The following ABHD10 variants were observed in gnomAD, a reference collection of about 807,000 sequenced individuals.
ABHD10 encodes the protein palmitoyl-protein thioesterase ABHD10, mitochondrial.
Under a neutral mutation model 33.1 loss-of-function variants are expected in ABHD10, and 22 were observed. The ratio of observed to expected loss-of-function variants is 0.66; its 90% CI spans 0.47 to 0.95. The LOEUF is 0.95. Among genes scored for constraint, ABHD10 ranks in the 40% least tolerant of loss-of-function variants. ABHD10 has a pLI of 0.00. For synonymous variants in ABHD10, 146 were observed against 133.9 expected, an observed-to-expected ratio of 1.09 and a Z score of -0.62; for missense variants, 352 against 379.9, an observed-to-expected ratio of 0.93 and a Z score of 0.61.
At chr3:111,986,412 AC>A in intron 3 of ABHD10, 37 bp downstream of exon 3, 1 of 1,347,576 alleles carries the variant, frequency 7.4e-7, no homozygotes, top group Non-Finnish European at 1.1e-6. Flanking sequence ...AATTACTGTA[AC>A]CTCGTATTTA....
chr3:111,981,311 C>CAA (rs11301143), intron 1 of ABHD10, among the ~76,000 whole-genome samples: 46 of 91,030 alleles, frequency 5.1e-4, no homozygotes, highest in African/African-American at 6.7e-4. Flanking sequence ...GACCCTGTCT[C>CAA]AAAAAAAAAA....
chr3:111,986,240 T>A (rs748043868), intron 2 of ABHD10, 24 bp from the exon 3 acceptor site: 2 of 1,331,806 alleles, frequency 1.5e-6, no homozygotes, highest in East Asian at 2.3e-5. Context: ...TATTTAGATA[T>A]AGATTTTTTT....
intron 1 of ABHD10, 79 bp downstream of exon 1, chr3:111,979,282 C>G: frequency 6.9e-7 from 1 of 1,450,882 alleles, no homozygotes; most frequent in Non-Finnish European, 9.2e-7. Context: ...CTGTGCAGTG[C>G]GTCTTTGGCG....
chr3:111,987,642 A>G (rs138610561), intron 4 of ABHD10, among the ~76,000 whole-genome samples: 5 of 152,224 alleles, frequency 3.3e-5, no homozygotes, highest in Admixed American at 1.3e-4. Context: ...TGTAAGCGCT[A>G]TGTAAATTGT....
intron 2 of ABHD10, chr3:111,982,215 C>G (rs1347257063): frequency 5.6e-5 from 18 of 319,030 alleles, no homozygotes; most frequent in Middle Eastern, 8.2e-4. Flanking sequence ...GGTAACTAAG[C>G]TCTTTAGAGG....
chr3:111,980,034 AT>A (rs1480405161), intron 1 of ABHD10, among the ~76,000 whole-genome samples: 1 of 152,238 alleles, frequency 6.6e-6, no homozygotes, highest in African/African-American at 2.4e-5. Flanking sequence ...GTATAATATT[AT>A]TTCATCTAGT....
chr3:111,986,530 G>C (rs562270040), intron 3 of ABHD10, among the ~76,000 whole-genome samples, 155 bp downstream of exon 3: 52 of 152,296 alleles, frequency 3.4e-4, no homozygotes, highest in Non-Finnish European at 6.6e-4. Flanking sequence ...CTGCCTCCCG[G>C]GTTCACGGCA....
At chr3:111,984,434 A>C (rs2072627156) in intron 2 of ABHD10, among the ~76,000 whole-genome samples, 1 of 152,238 alleles carries the variant, frequency 6.6e-6, no homozygotes, top group African/African-American at 2.4e-5. Flanking sequence ...AGATGATGGA[A>C]GAAGGTATTC....
At position 111,992,774 on chromosome 3, in the gene ABHD10, C is replaced by T. The variant is rs1053130009; in HGVS notation, c.*1053C>T. 37 of 152,048 alleles carry T rather than the reference C, an allele frequency of 2.4e-4. No homozygotes were observed. The highest frequency in any genetic ancestry group is 1.6e-3 in the Admixed American group (24 of 15,272). The allele number at this position is 152,048 out of a possible 1,614,324, so 9.4% of individuals were successfully genotyped here. A position where few individuals can be genotyped will look rare whatever the true frequency, so the allele number is the denominator to read the frequency against. ...GATGAGCATGTGTCGAAGACTTATT[C>T]GACTCATTAATGAGGAAACCAGCAG... On this transcript the variant is annotated 3_prime_UTR_variant, in exon 5 of 5. Coordinates refer to ENST00000273359, the MANE Select transcript of ABHD10 (RefSeq NM_018394.4).
chr3:111,988,405 C>A (rs34596211), intron 4 of ABHD10, among the ~76,000 whole-genome samples: 3,631 of 152,140 alleles, frequency 0.024, 65 homozygotes, highest in Middle Eastern at 0.041. Flanking sequence ...CCACCTTTGA[C>A]ATTTTGTGGA....
intron 2 of ABHD10, 125 bp downstream of exon 2, chr3:111,982,092 T>C (rs2072592631): frequency 2.5e-6 from 2 of 810,052 alleles, no homozygotes; most frequent in South Asian, 5.7e-5. Flanking sequence ...GTCTGTAAAC[T>C]TGCATCTTGT....
chr3:111,980,956 T>G (rs1329368296), intron 1 of ABHD10, among the ~76,000 whole-genome samples: 3 of 152,074 alleles, frequency 2.0e-5, no homozygotes, highest in African/African-American at 7.2e-5. Context: ...CGTCCTCCTT[T>G]GAAACAATTT....
intron 4 of ABHD10, chr3:111,990,625 T>C: frequency 3.5e-6 from 2 of 574,618 alleles, no homozygotes; most frequent in Non-Finnish European, 5.7e-6. Context: ...CAGATATTAT[T>C]GTTTGGCTTT....
At chr3:111,982,992 CT>C (rs535407859) in intron 2 of ABHD10, among the ~76,000 whole-genome samples, 2 of 152,192 alleles carry the variant, frequency 1.3e-5, no homozygotes, top group South Asian at 4.1e-4. Context: ...GATTGGAGTA[CT>C]TTTTGGAAAT....
chr3:111,987,722 CT>C (rs926395908), intron 4 of ABHD10, among the ~76,000 whole-genome samples: 1 of 151,910 alleles, frequency 6.6e-6, no homozygotes, highest in African/African-American at 2.4e-5. Context: ...CAGAGGTAAC[CT>C]TTTTTTTCCA....
In ABHD10 at chr3:111,986,993, T is replaced by C. The variant is rs747430904; in HGVS notation, c.518T>C (p.Ile173Thr). The C allele has an allele frequency of 1.9e-5, 30 of 1,613,472 alleles. No individual in the cohort carries two copies. The African/African-American group carries it at 2.0e-4, about 11-fold the overall frequency. Residue 173 changes from isoleucine to threonine, a missense_variant, in exon 4 of 5, where the codon ATT becomes ACT. Coordinates refer to ENST00000273359, the MANE Select transcript of ABHD10 (RefSeq NM_018394.4). ...CGACCAGAGAAGGTCGTGGCTCTTA[T>C]TGGTGTAGCTACAGCTGCAGATACC... ...IARPEKVVAL[I>T]GVATAADTLV... is the part of the protein sequence containing the mutation.
At chr3:111,989,682 A>G (rs1460711055) in intron 4 of ABHD10, among the ~76,000 whole-genome samples, 1 of 152,138 alleles carries the variant, frequency 6.6e-6, no homozygotes, top group Non-Finnish European at 1.5e-5. Context: ...TACTTTAAAT[A>G]TTTGGTTCAT....
intron 4 of ABHD10, among the ~76,000 whole-genome samples, chr3:111,988,542 T>G (rs2072700966): frequency 6.6e-6 from 1 of 152,134 alleles, no homozygotes; most frequent in Non-Finnish European, 1.5e-5. Context: ...GTTTATTGTA[T>G]TTTGTAATTA....
intron 1 of ABHD10, among the ~76,000 whole-genome samples, chr3:111,979,803 TTGTG>T (rs575938613): frequency 4.3e-4 from 65 of 152,370 alleles, no homozygotes; most frequent in African/African-American, 1.5e-3. Context: ...TTTTTTGGCT[TTGTG>T]TGTGGTTCAC....
Sources: allele counts gnomAD v4.1 joint callset (sites outside exome capture counted in the v4.1 genomes callset), GRCh38; gene constraint gnomAD v4.1.1; transcripts MANE v1.5; gene names NCBI Gene and HGNC (gene_info 2026-07-23, HGNC 2026-07-21).